The following XIRP2 variants were observed in gnomAD, a reference collection of about 807,000 sequenced individuals.
The protein encoded by XIRP2 is xin actin binding repeat containing 2, also known as xin actin-binding repeat-containing protein 2.
A neutral mutation model predicts 277.0 loss-of-function variants in XIRP2; 236 were observed. That is an observed-to-expected ratio of 0.85 (90% confidence interval 0.77 to 0.95). XIRP2 has a LOEUF of 0.95. Ranked by LOEUF, XIRP2 falls within the 40% of genes least tolerant of loss-of-function variation. XIRP2 has a pLI of 0.00. For synonymous variants in XIRP2, 1,490 were observed against 1,416.5 expected (o/e 1.05, Z -1.17); for missense variants, 4,640 against 4,157.5 (o/e 1.12, Z -3.19).
At chr2:167,181,163 T>C (rs1350706806) in intron 3 of XIRP2, among the ~76,000 whole-genome samples, 1 of 152,150 alleles carries the variant, frequency 6.6e-6, no homozygotes, top group African/African-American at 2.4e-5. Flanking sequence ...TATATAATGA[T>C]GGGGTAGGGG....
At chr2:167,077,901 G>T (rs1464532297) in intron 2 of XIRP2, among the ~76,000 whole-genome samples, 3 of 152,172 alleles carry the variant, frequency 2.0e-5, no homozygotes, top group Admixed American at 6.5e-5. Flanking sequence ...TTCGACGTTG[G>T]GTAATATGAT....
At chr2:167,012,447 A>G (rs1033353320) in intron 2 of XIRP2, among the ~76,000 whole-genome samples, 1 of 151,748 alleles carries the variant, frequency 6.6e-6, no homozygotes, top group Non-Finnish European at 1.5e-5. Flanking sequence ...GCAAATGATT[A>G]TAATACACCT....
intron 5 of XIRP2, among the ~76,000 whole-genome samples, chr2:167,229,760 GA>G (rs941008603): frequency 2.0e-5 from 3 of 152,026 alleles, no homozygotes; most frequent in Admixed American, 6.6e-5. Context: ...CACAAGGCTT[GA>G]AAAAAGTAAG....
At chr2:167,176,396 G>A (rs953742421) in intron 3 of XIRP2, among the ~76,000 whole-genome samples, 5 of 152,098 alleles carry the variant, frequency 3.3e-5, no homozygotes, top group African/African-American at 7.2e-5. Context: ...GATATCACCC[G>A]CCTTCTGCAT....
intron 2 of XIRP2, among the ~76,000 whole-genome samples, chr2:167,062,207 C>G (rs969193989): frequency 1.3e-5 from 2 of 152,154 alleles, no homozygotes; most frequent in African/African-American, 2.4e-5. Flanking sequence ...ACCTGAACAA[C>G]GATAGCTGGA....
intron 1 of XIRP2, among the ~76,000 whole-genome samples, chr2:166,896,493 TAA>T (rs200125210): frequency 7.0e-6 from 1 of 142,584 alleles, no homozygotes; most frequent in African/African-American, 2.6e-5. Context: ...TTTTAAAAAG[TAA>T]AAAAAAAAGA....
chr2:166,932,253 G>A (rs1685363170), intron 2 of XIRP2, among the ~76,000 whole-genome samples: 1 of 143,862 alleles, frequency 7.0e-6, no homozygotes, highest in Admixed American at 7.1e-5. Context: ...GTCTTCCTCT[G>A]TCTCCCAAAC....
At chr2:167,012,635 C>G (rs1387082975) in intron 2 of XIRP2, among the ~76,000 whole-genome samples, 2 of 151,552 alleles carry the variant, frequency 1.3e-5, no homozygotes, top group African/African-American at 4.8e-5. Context: ...GTATTCTCGT[C>G]TCTATTTTTC....
At chr2:167,012,086 T>G (rs1266738131) in intron 2 of XIRP2, among the ~76,000 whole-genome samples, 1 of 152,042 alleles carries the variant, frequency 6.6e-6, no homozygotes, top group East Asian at 1.9e-4. Context: ...TTTTAGTTAT[T>G]TCTTGCCTTC....
intron 2 of XIRP2, among the ~76,000 whole-genome samples, chr2:167,035,406 A>C (rs1478690596): frequency 6.6e-6 from 1 of 152,194 alleles, no homozygotes; most frequent in Non-Finnish European, 1.5e-5. Flanking sequence ...GAGATAAAGA[A>C]CTTGTTGGGA....
Position 167,242,777 on chromosome 2 carries a change from C to CT in XIRP2, c.1387dup (p.Ser463PhefsTer12). The CT allele has an allele frequency of 6.2e-7, 1 of 1,614,098 alleles. No homozygotes were observed. Among genetic ancestry groups the CT allele is most frequent in the Non-Finnish European group, 8.5e-7 (1 of 1,179,930 alleles). ...CCTCCCCCACCTGACGTACTTCAAA[C>CT]TTCAGTAGATGTGACAGCATTTTCC... On this transcript the variant is annotated frameshift_variant, in exon 9 of 11. Transcript: ENST00000409195. LOFTEE classifies it high-confidence loss of function.
At chr2:167,080,215 A>G (rs1689692639) in intron 2 of XIRP2, among the ~76,000 whole-genome samples, 1 of 152,190 alleles carries the variant, frequency 6.6e-6, no homozygotes, top group Non-Finnish European at 1.5e-5. Context: ...AATTTGACCA[A>G]TTTCTGAAGG....
At position 167,070,850 on chromosome 2, in the gene XIRP2, G is replaced by GA. The variant is rs144531113; in HGVS notation, c.409-65053dup. Among the ~76,000 whole-genome samples the GA allele has an allele frequency of 2.8e-4, 43 of 152,086 alleles. No homozygotes were observed. The East Asian group carries it at 8.1e-3, about 29-fold the overall frequency. On this transcript the variant is annotated intron_variant, in intron 2 of 10. Transcript: ENST00000409195. The stretch of plus-strand genomic sequence containing the variant: ...TGACACCCTTTTGTTAACTTAGAAG[G>GA]AAAAAACCTTAAGGAAACAACATGT...
intron 2 of XIRP2, among the ~76,000 whole-genome samples, chr2:167,002,936 T>C (rs1378694574): frequency 1.3e-5 from 2 of 151,972 alleles, no homozygotes; most frequent in African/African-American, 4.8e-5. Context: ...TCATGGCTTA[T>C]TAACCCTATA....
chr2:167,031,449 A>T (rs1421421883), intron 2 of XIRP2, among the ~76,000 whole-genome samples: 1 of 152,088 alleles, frequency 6.6e-6, no homozygotes, highest in Non-Finnish European at 1.5e-5. Flanking sequence ...TCCTTCACTT[A>T]TGAAGCTTAG....
At chr2:167,153,033 GATTT>G (rs1416026514) in intron 3 of XIRP2, among the ~76,000 whole-genome samples, 2 of 152,038 alleles carry the variant, frequency 1.3e-5, no homozygotes, top group Non-Finnish European at 2.9e-5. Context: ...TCTGTATTAT[GATTT>G]ATTTGTTTGC....
At chr2:167,186,758 A>T (rs1421404568) in intron 3 of XIRP2, among the ~76,000 whole-genome samples, 1 of 151,656 alleles carries the variant, frequency 6.6e-6, no homozygotes, top group Admixed American at 6.6e-5. Flanking sequence ...TCACACAGCA[A>T]GGGTGCTCTC....
intron 2 of XIRP2, among the ~76,000 whole-genome samples, chr2:166,970,608 C>T (rs991252054): frequency 6.6e-6 from 1 of 151,696 alleles, no homozygotes; most frequent in Admixed American, 6.6e-5. Context: ...TCAAGAAGAA[C>T]ACAATGGTTG....
intron 3 of XIRP2, among the ~76,000 whole-genome samples, chr2:167,166,814 T>G (rs1692535808): frequency 1.3e-5 from 2 of 152,174 alleles, no homozygotes; most frequent in African/African-American, 4.8e-5. Context: ...CACTGGGGAT[T>G]ACATCTCAAC....
Sources: gnomAD v4.1 joint callset for allele counts (sites outside exome capture counted in the v4.1 genomes callset) on GRCh38, gnomAD v4.1.1 for gene constraint, MANE v1.5 for transcripts, NCBI Gene and HGNC (gene_info 2026-07-23, HGNC 2026-07-21) for gene names.